The following GPHN variants were observed in gnomAD, a reference collection of about 807,000 sequenced individuals.
The protein encoded by GPHN is gephyrin.
Under a neutral mutation model 95.5 loss-of-function variants are expected in GPHN, and 17 were observed. That is an observed-to-expected ratio of 0.18 (90% confidence interval 0.12 to 0.27). The LOEUF (loss-of-function observed/expected upper bound fraction) is 0.27. GPHN is among the 10% of genes least tolerant of loss of function. GPHN has a pLI of 1.00. For missense variants in GPHN, 660 were observed against 978.1 expected (o/e 0.67, Z 4.34); for synonymous variants, 320 against 322.5 (o/e 0.99, Z 0.08).
the GPHN span, chr14:67,695,907 C>T: frequency 1.7e-6 from 1 of 588,080 alleles, no homozygotes; most frequent in Non-Finnish European, 3.0e-6. Flanking sequence ...TTATACATCG[C>T]TAATCCCCAA....
intron 2 of GPHN, among the ~76,000 whole-genome samples, chr14:66,709,148 C>T (rs986754865): frequency 6.6e-6 from 1 of 152,032 alleles, no homozygotes. Flanking sequence ...TTCTGATGAC[C>T]ACGTTTTTGT....
chr14:66,778,189 C>T (rs1030078201), intron 3 of GPHN, among the ~76,000 whole-genome samples: 35 of 152,040 alleles, frequency 2.3e-4, no homozygotes, highest in Non-Finnish European at 1.9e-4. Flanking sequence ...AACAGACAAA[C>T]AGAGAGCCAA....
At chr14:67,248,511 A>G in the GPHN span, among the ~76,000 whole-genome samples, 1 of 152,200 alleles carries the variant, frequency 6.6e-6, no homozygotes, top group African/African-American at 2.4e-5. Flanking sequence ...AAAAATTAAA[A>G]CATTTGGCTT....
intron 10 of GPHN, among the ~76,000 whole-genome samples, chr14:67,039,845 C>G (rs1405451401): frequency 6.6e-6 from 1 of 152,046 alleles, no homozygotes; most frequent in Non-Finnish European, 1.5e-5. Flanking sequence ...CTATATTGAC[C>G]AGAATAAAGT....
chr14:67,359,768 T>C, the GPHN span: 3 of 1,570,200 alleles, frequency 1.9e-6, no homozygotes, highest in South Asian at 3.3e-5. Flanking sequence ...AGAACTGGCC[T>C]CCACAGTGTC....
the GPHN span, chr14:67,573,229 C>T: frequency 8.4e-7 from 1 of 1,191,566 alleles, no homozygotes; most frequent in South Asian, 1.2e-5. This position sits in a 1 kb window ranked among gnomAD's most constrained non-coding sequence, Gnocchi z 4.8. Flanking sequence ...TGTCTAGGAG[C>T]CCTGAGTGAT....
intron 1 of GPHN, among the ~76,000 whole-genome samples, chr14:66,581,898 A>G (rs1031653981): frequency 3.2e-4 from 48 of 152,052 alleles, no homozygotes; most frequent in African/African-American, 1.2e-3. Flanking sequence ...TATAAAGTAA[A>G]TGTTAATAAA....
chr14:67,240,189 A>C, the GPHN span, among the ~76,000 whole-genome samples: 1 of 152,198 alleles, frequency 6.6e-6, no homozygotes, highest in Non-Finnish European at 1.5e-5. Context: ...GAAGGATAAC[A>C]AATCTGGGAA....
At chr14:67,173,602 A>T (rs1179415564) in intron 21 of GPHN, among the ~76,000 whole-genome samples, 1 of 152,238 alleles carries the variant, frequency 6.6e-6, no homozygotes, top group Non-Finnish European at 1.5e-5. Flanking sequence ...AAGAAAGAAT[A>T]GTTCTACCAG....
intron 17 of GPHN, among the ~76,000 whole-genome samples, chr14:67,135,739 T>A (rs1236073512): frequency 6.6e-6 from 1 of 152,278 alleles, no homozygotes; most frequent in East Asian, 1.9e-4. Context: ...ACCTTTTCAA[T>A]TTCCAAGTCC....
At chr14:67,302,113 C>A in the GPHN span, 1 of 1,600,854 alleles carries the variant, frequency 6.2e-7, no homozygotes, top group South Asian at 1.1e-5. Flanking sequence ...TCGTGATATT[C>A]CGTTGGTAAG....
chr14:67,708,463 G>C, the GPHN span, among the ~76,000 whole-genome samples: 2 of 152,076 alleles, frequency 1.3e-5, no homozygotes, highest in African/African-American at 4.8e-5. Context: ...CACCTTCTAA[G>C]GAGGACCAAA....
At chr14:67,495,963 C>T in the GPHN span, among the ~76,000 whole-genome samples, 3,067 of 152,310 alleles carry the variant, frequency 0.02, 55 homozygotes, top group Admixed American at 0.045. Context: ...AAAGCAAAGC[C>T]CTCAGACACA....
the GPHN span, among the ~76,000 whole-genome samples, chr14:67,466,590 A>C: frequency 1.3e-5 from 2 of 152,240 alleles, no homozygotes; most frequent in African/African-American, 4.8e-5. Context: ...CTAAGACTCC[A>C]CTTGTCAAGA....
the GPHN span, among the ~76,000 whole-genome samples, chr14:67,234,840 G>C: frequency 6.6e-6 from 1 of 151,170 alleles, no homozygotes; most frequent in African/African-American, 2.4e-5. Flanking sequence ...GGGAACCACT[G>C]CGCCCGGCCT....
chr14:67,160,558 A>G (rs1354733876), intron 19 of GPHN, among the ~76,000 whole-genome samples: 1 of 152,180 alleles, frequency 6.6e-6, no homozygotes. Context: ...CATATCTTTA[A>G]GAAATAGTCT....
the GPHN span, among the ~76,000 whole-genome samples, chr14:67,723,227 G>T: frequency 2.0e-5 from 3 of 152,178 alleles, no homozygotes; most frequent in Non-Finnish European, 4.4e-5. Flanking sequence ...AGTGTGTTCT[G>T]AGTGGAGAAT....
intron 2 of GPHN, among the ~76,000 whole-genome samples, chr14:66,716,054 T>A (rs761622024): frequency 6.6e-6 from 1 of 152,166 alleles, no homozygotes; most frequent in Non-Finnish European, 1.5e-5. Flanking sequence ...ATTGTTTCTT[T>A]GTTGACTTTC....
the GPHN span, chr14:67,449,972 G>A: frequency 1.3e-5 from 2 of 152,908 alleles, no homozygotes; most frequent in Admixed American, 1.3e-4. Flanking sequence ...TGAGGCAGGA[G>A]AATTGCTTGA....
Sources: gnomAD v4.1 joint callset for allele counts (sites outside exome capture counted in the v4.1 genomes callset) on GRCh38, gnomAD v4.1.1 for gene constraint, Gnocchi (gnomAD v3.1) non-coding constraint, MANE v1.5 for transcripts, NCBI Gene and HGNC (gene_info 2026-07-23, HGNC 2026-07-21) for gene names.